LRFN5: variants seen among roughly 807,000 people sequenced by gnomAD.
The protein encoded by LRFN5 is leucine-rich repeat and fibronectin type-III domain-containing protein 5.
Under a neutral mutation model 45.6 loss-of-function variants are expected in LRFN5, and 24 were observed. That is an observed-to-expected ratio of 0.53 (90% CI 0.38 to 0.74). The LOEUF (loss-of-function observed/expected upper bound fraction) is 0.74, where lower values mean the gene tolerates loss of function less well. Among genes scored for constraint, LRFN5 ranks in the 30% least tolerant of loss-of-function variants. LRFN5 has a pLI of 0.00. For missense variants in LRFN5, 776 were observed against 861.5 expected (o/e 0.90, Z 1.24); for synonymous variants, 340 against 313.8 (o/e 1.08, Z -0.88).
At chr14:41,645,185 T>C (rs978062415) in intron 1 of LRFN5, among the ~76,000 whole-genome samples, 1 of 152,198 alleles carries the variant, frequency 6.6e-6, no homozygotes, top group African/African-American at 2.4e-5. Context: ...AAGTGTAGCA[T>C]AGTGCTTGGA....
At position 41,898,002 on chromosome 14, in the gene LRFN5, A is replaced by G. The variant is rs80098989; in HGVS notation, c.2099-915A>G. On this transcript the variant is annotated intron_variant, in intron 4 of 5. Transcript: ENST00000298119. Reference sequence around the variant, plus strand: ...TACCGTGTTGGCTATTGGCTCTACCATAATACAATTTTGTATTCTTTTTTT... The same window carrying G: ...TACCGTGTTGGCTATTGGCTCTACCGTAATACAATTTTGTATTCTTTTTTT... Among the ~76,000 whole-genome samples, 1,041 of 152,226 alleles carry G rather than the reference A, an allele frequency of 6.8e-3. 14 individuals carry two copies. The highest frequency in any genetic ancestry group is 0.024 in the African/African-American group (995 of 41,574).
intron 1 of LRFN5, among the ~76,000 whole-genome samples, chr14:41,684,825 C>CT (rs1882053092): frequency 6.6e-6 from 1 of 152,128 alleles, no homozygotes; most frequent in South Asian, 2.1e-4. Flanking sequence ...TAAAAACCTT[C>CT]TGCACAGTGA....
At chr14:41,667,282 C>T (rs967486244) in intron 1 of LRFN5, among the ~76,000 whole-genome samples, 2 of 152,166 alleles carry the variant, frequency 1.3e-5, no homozygotes, top group South Asian at 2.1e-4. Flanking sequence ...TTTTACTGCA[C>T]ACACCTAGAT....
chr14:41,904,392 T>C lies in LRFN5; in HGVS notation c.*217T>C. The C allele has an allele frequency of 4.2e-6, 2 of 478,372 alleles. No individual in the cohort carries two copies. Among genetic ancestry groups the C allele is most frequent in the Non-Finnish European group, 3.6e-6 (1 of 274,264 alleles). 29.6% of individuals were successfully genotyped at this position (478,372 alleles called of 1,614,324 possible). A position where few individuals can be genotyped will look rare whatever the true frequency, so the allele number is the denominator to read the frequency against. ...TTTAAAACCAAATTTTTTTTTCTTC[T>C]GGCCTACAAGTATTTTTTTTTTAAA... On this transcript the variant is annotated 3_prime_UTR_variant, in exon 6 of 6. Transcript: ENST00000298119.
intron 2 of LRFN5, among the ~76,000 whole-genome samples, chr14:41,869,314 C>A (rs911989647): frequency 2.6e-5 from 4 of 152,052 alleles, no homozygotes; most frequent in Non-Finnish European, 5.9e-5. Context: ...CTATTTTCAT[C>A]ATCAGAAAAA....
intron 1 of LRFN5, among the ~76,000 whole-genome samples, chr14:41,751,101 C>T (rs1409278203): frequency 6.6e-6 from 1 of 151,522 alleles, no homozygotes. Context: ...TGTCAGAGCC[C>T]CCTCACTATC....
intron 2 of LRFN5, among the ~76,000 whole-genome samples, chr14:41,788,069 C>T (rs1886792272): frequency 6.6e-6 from 1 of 152,032 alleles, no homozygotes; most frequent in Admixed American, 6.6e-5. Context: ...TCTTCTGGCT[C>T]CCTGATCTTG....
intron 2 of LRFN5, among the ~76,000 whole-genome samples, chr14:41,820,207 T>A (rs1594438483): frequency 2.8e-5 from 1 of 36,276 alleles, no homozygotes; most frequent in Non-Finnish European, 6.5e-5. Flanking sequence ...AATCCCAGAG[T>A]TTTTTTTCTA....
At chr14:41,650,675 T>C (rs2138618447) in intron 1 of LRFN5, among the ~76,000 whole-genome samples, 1 of 152,274 alleles carries the variant, frequency 6.6e-6, no homozygotes, top group African/African-American at 2.4e-5. Context: ...TGTAGATTTA[T>C]ATGGGAATAT....
chr14:41,617,916 T>A (rs1416600227), intron 1 of LRFN5, among the ~76,000 whole-genome samples: 1 of 152,132 alleles, frequency 6.6e-6, no homozygotes, highest in Non-Finnish European at 1.5e-5. Flanking sequence ...TCATGAACAC[T>A]CTGGCATTTG....
intron 1 of LRFN5, among the ~76,000 whole-genome samples, chr14:41,752,680 A>T (rs1885188587): frequency 6.6e-6 from 1 of 152,010 alleles, no homozygotes; most frequent in South Asian, 2.1e-4. Flanking sequence ...TTCTCAGATG[A>T]GTATATTGCA....
chr14:41,867,364 G>T (rs750267970), intron 2 of LRFN5, among the ~76,000 whole-genome samples: 8 of 152,034 alleles, frequency 5.3e-5, no homozygotes, highest in Non-Finnish European at 8.8e-5. Context: ...GTGTGTGTGT[G>T]TGGAGGGTTA....
chr14:41,673,769 C>T (rs1205617723), intron 1 of LRFN5, among the ~76,000 whole-genome samples: 1 of 145,974 alleles, frequency 6.9e-6, no homozygotes, highest in East Asian at 2.2e-4. Flanking sequence ...CCCTTCACCT[C>T]CCGGACGGGG....
intron 2 of LRFN5, among the ~76,000 whole-genome samples, chr14:41,860,992 A>G (rs1007626538): frequency 6.6e-6 from 1 of 152,242 alleles, no homozygotes; most frequent in Non-Finnish European, 1.5e-5. Context: ...TTCTGCTCAG[A>G]GTCCAGTGCA....
At chr14:41,663,596 C>G (rs983900293) in intron 1 of LRFN5, among the ~76,000 whole-genome samples, 1 of 151,982 alleles carries the variant, frequency 6.6e-6, no homozygotes, top group Non-Finnish European at 1.5e-5. Flanking sequence ...TCATTTTCCT[C>G]CGTGAAGACA....
intron 2 of LRFN5, among the ~76,000 whole-genome samples, chr14:41,799,097 A>C (rs1253580396): frequency 6.6e-6 from 1 of 152,020 alleles, no homozygotes; most frequent in East Asian, 1.9e-4. Context: ...AACAGAGTAT[A>C]AATCCAGTTG....
chr14:41,619,405 ATAATT>A (rs1888038132), intron 1 of LRFN5, among the ~76,000 whole-genome samples: 1 of 152,044 alleles, frequency 6.6e-6, no homozygotes, highest in Admixed American at 6.6e-5. Context: ...TTTGCAGAAA[ATAATT>A]AAAATGAGTG....
At chr14:41,805,333 A>AT (rs1887481841) in intron 2 of LRFN5, among the ~76,000 whole-genome samples, 1 of 150,828 alleles carries the variant, frequency 6.6e-6, no homozygotes, top group South Asian at 2.1e-4. Flanking sequence ...AATTATGCAG[A>AT]TTTGGATAAT....
At chr14:41,816,936 GT>G (rs1375606290) in intron 2 of LRFN5, among the ~76,000 whole-genome samples, 1 of 146,520 alleles carries the variant, frequency 6.8e-6, no homozygotes, top group Non-Finnish European at 1.5e-5. Context: ...TTATTTCTCA[GT>G]TTGGGGTTGT....
Sources: allele counts gnomAD v4.1 joint callset (sites outside exome capture counted in the v4.1 genomes callset), GRCh38; gene constraint gnomAD v4.1.1; transcripts MANE v1.5; gene names NCBI Gene and HGNC (gene_info 2026-07-23, HGNC 2026-07-21).